The following CHN2 variants were observed in gnomAD, a reference collection of about 807,000 sequenced individuals.
The protein encoded by CHN2 is beta-chimaerin.
Under a neutral mutation model 56.3 loss-of-function variants are expected in CHN2, and 35 were observed. The observed-to-expected ratio is 0.62, with a 90% CI of 0.47 to 0.82. The LOEUF (loss-of-function observed/expected upper bound fraction) is 0.82, where lower values mean the gene tolerates loss of function less well. CHN2 is among the 40% of genes least tolerant of loss of function. CHN2 has a pLI of 0.00. For synonymous variants in CHN2, 210 were observed against 212.8 expected, an observed-to-expected ratio of 0.99 and a Z score of 0.12; for missense variants, 491 against 580.5, an observed-to-expected ratio of 0.85 and a Z score of 1.58.
chr7:29,220,044 C>T (rs1440150717), intron 1 of CHN2, among the ~76,000 whole-genome samples: 18 of 151,572 alleles, frequency 1.2e-4, no homozygotes, highest in Non-Finnish European at 1.5e-5. Context: ...CATTGCACCT[C>T]AGCCTGGGTG....
At chr7:29,452,591 C>T (rs776411136) in intron 6 of CHN2, among the ~76,000 whole-genome samples, 3 of 152,220 alleles carry the variant, frequency 2.0e-5, no homozygotes, top group Non-Finnish European at 4.4e-5. Flanking sequence ...CAGAAACCTA[C>T]CCCATTGACT....
intron 6 of CHN2, among the ~76,000 whole-genome samples, chr7:29,465,172 T>A (rs2128140686): frequency 6.6e-6 from 1 of 152,374 alleles, no homozygotes; most frequent in East Asian, 1.9e-4. Context: ...CTGCCATTTG[T>A]GATTAAAATC....
At chr7:29,191,112 G>A (rs1782835417), upstream of CHN2, among the ~76,000 whole-genome samples, 1 of 152,014 alleles carries the variant, frequency 6.6e-6, no homozygotes, top group African/African-American at 2.4e-5. Flanking sequence ...TATTTTTTAT[G>A]TTTTTAGAGA....
chr7:29,390,083 A>G (rs1479442852), intron 3 of CHN2, among the ~76,000 whole-genome samples: 1 of 149,038 alleles, frequency 6.7e-6, no homozygotes, highest in Non-Finnish European at 1.5e-5. Context: ...ATCAGCCACC[A>G]TTCTGCATGG....
intron 3 of CHN2, among the ~76,000 whole-genome samples, chr7:29,380,142 A>G (rs960473608): frequency 1.1e-4 from 16 of 152,208 alleles, no homozygotes; most frequent in African/African-American, 3.6e-4. Flanking sequence ...TTCCTTGTCT[A>G]TAAGAAGAAG....
Position 29,507,273 on chromosome 7 carries a change from A to T in CHN2, c.1037A>T (p.Asn346Ile). Residue 346 changes from asparagine to isoleucine, a missense_variant, in exon 11 of 13, where the codon AAC (asparagine) becomes ATC (isoleucine). Coordinates refer to ENST00000222792, the MANE Select transcript of CHN2 (RefSeq NM_004067.4). The part of the protein sequence containing the change: ...DISANVYPDI[N>I]IITGALKLYF... ...TCTGCCAATGTCTATCCAGACATAA[A>T]CATCATCACTGGAGCCCTTAAACTG... 6.2e-7 allele frequency: 1 copy of T among 1,613,380 alleles called. No individual in the cohort carries two copies. Among genetic ancestry groups the T allele is most frequent in the African/African-American group, 1.3e-5 (1 of 75,020 alleles).
intron 1 of CHN2, among the ~76,000 whole-genome samples, chr7:29,349,604 A>G (rs1234678288): frequency 2.0e-5 from 3 of 152,206 alleles, no homozygotes; most frequent in Non-Finnish European, 2.9e-5. Context: ...TTGTTCATCT[A>G]TATCTTTGTA....
chr7:29,211,210 A>C (rs1035672054), intron 1 of CHN2, among the ~76,000 whole-genome samples: 1 of 150,950 alleles, frequency 6.6e-6, no homozygotes, highest in African/African-American at 2.4e-5. Context: ...AGCTGGGACT[A>C]AAGGCGCCTG....
chr7:29,423,044 C>CCAAA (rs1339714674), intron 6 of CHN2, among the ~76,000 whole-genome samples: 2 of 152,208 alleles, frequency 1.3e-5, no homozygotes, highest in African/African-American at 4.8e-5. Flanking sequence ...CCTGTTCGTA[C>CCAAA]CAAACCTTGC....
intron 1 of CHN2, among the ~76,000 whole-genome samples, chr7:29,220,739 C>A (rs1003638657): frequency 6.6e-6 from 1 of 152,060 alleles, no homozygotes; most frequent in African/African-American, 2.4e-5. Context: ...AGAAATAATG[C>A]CAGTGTTACA....
intron 1 of CHN2, among the ~76,000 whole-genome samples, chr7:29,238,570 G>T (rs1787390710): frequency 6.6e-6 from 1 of 152,174 alleles, no homozygotes; most frequent in Admixed American, 6.5e-5. Flanking sequence ...ATGTATTGAG[G>T]ATTGTCTTTA....
At chr7:29,173,367 A>T (rs1385021695) in intron 2 of CHN2, among the ~76,000 whole-genome samples, 1 of 152,038 alleles carries the variant, frequency 6.6e-6, no homozygotes, top group Admixed American at 6.6e-5. Flanking sequence ...GCCCACAGTG[A>T]TTATGAAGTG....
rs184838585 is a variant in CHN2, at chr7:29,349,826, G to A, written c.50-4799G>A. Among the ~76,000 whole-genome samples, 421 of 151,870 alleles carry A rather than the reference G, an allele frequency of 2.8e-3. 3 individuals are homozygous for A. Among genetic ancestry groups the A allele is most frequent in the South Asian group, 7.3e-3 (35 of 4,792 alleles). On this transcript the variant is annotated intron_variant, in intron 1 of 12. Transcript: ENST00000222792. ...AGGATAATTTTTTTTATTAATATGGGGCTTCTTGTTCTACTTCCTCCCCTT... is the reference window on the plus strand; with the variant it reads ...AGGATAATTTTTTTTATTAATATGGAGCTTCTTGTTCTACTTCCTCCCCTT...
chr7:29,502,760 A>G (rs6967555), intron 9 of CHN2, among the ~76,000 whole-genome samples: 1 of 151,252 alleles, frequency 6.6e-6, no homozygotes, highest in Non-Finnish European at 1.5e-5. Context: ...TTTAAAAGTG[A>G]CGGGATACAT....
In CHN2 at chr7:29,512,578, A is replaced by G. The variant is rs1374392295; in HGVS notation, c.1250A>G (p.Glu417Gly). 2 of 1,612,492 alleles carry G rather than the reference A, an allele frequency of 1.2e-6. No individual in the cohort carries two copies. Among genetic ancestry groups the G allele is most frequent in the East Asian group, 4.5e-5 (2 of 44,878 alleles). ...MIHLKKVTMN[E>G]KDNFMNAENL... ...TTGTTTTGCAGGGTTACTATGAATG[A>G]AAAAGACAATTTCATGAATGCAGAA... Residue 417 changes from glutamate to glycine, a missense_variant, in exon 13 of 13, where the codon GAA becomes GGA. Transcript: ENST00000222792.
intron 6 of CHN2, among the ~76,000 whole-genome samples, chr7:29,456,980 G>A (rs1784816073): frequency 1.3e-5 from 2 of 152,240 alleles, no homozygotes; most frequent in South Asian, 4.1e-4. Flanking sequence ...CAGTCACACA[G>A]AGGCACACTG....
intron 1 of CHN2, among the ~76,000 whole-genome samples, chr7:29,244,624 TGCGC>T (rs1485651240): frequency 6.6e-6 from 1 of 152,176 alleles, no homozygotes; most frequent in Admixed American, 6.5e-5. Context: ...GTGGTGTACG[TGCGC>T]GCCATATGTT....
chr7:29,148,223 T>G (rs894465253), intron 2 of CHN2, among the ~76,000 whole-genome samples: 7 of 152,220 alleles, frequency 4.6e-5, no homozygotes, highest in African/African-American at 1.7e-4. Flanking sequence ...GGACAAGGGC[T>G]CCTTGGGTCT....
At chr7:29,353,200 G>A (rs911560027) in intron 1 of CHN2, among the ~76,000 whole-genome samples, 2 of 152,212 alleles carry the variant, frequency 1.3e-5, no homozygotes, top group Admixed American at 1.3e-4. Context: ...GGGCCCCAGA[G>A]AGCAAGGTAA....
Sources: allele counts gnomAD v4.1 joint callset (sites outside exome capture counted in the v4.1 genomes callset), GRCh38; gene constraint gnomAD v4.1.1; transcripts MANE v1.5; gene names NCBI Gene and HGNC (gene_info 2026-07-23, HGNC 2026-07-21).